The following RLF variants were observed in gnomAD, a reference collection of about 807,000 sequenced individuals.
RLF encodes RLF zinc finger.
A neutral mutation model predicts 162.9 loss-of-function variants in RLF; 7 were observed. That is an observed-to-expected ratio of 0.04 (90% confidence interval 0.02 to 0.08). The LOEUF is 0.08. Ranked by LOEUF, RLF falls within the 10% of genes least tolerant of loss-of-function variation. The probability of loss-of-function intolerance (pLI) is 1.00; values close to 1 mark genes in which losing one functional copy is unlikely to be tolerated. For synonymous variants in RLF, 782 were observed against 791.5 expected, an observed-to-expected ratio of 0.99 and a Z score of 0.20; for missense variants, 1,664 against 2,244.7, an observed-to-expected ratio of 0.74 and a Z score of 5.23.
chr1:40,198,060 A>G (rs12133597), intron 4 of RLF, among the ~76,000 whole-genome samples: 28,455 of 151,912 alleles, frequency 0.19, 2,810 homozygotes, highest in Non-Finnish European at 0.21. Flanking sequence ...CTGGAGTGCA[A>G]TGGTGTGATC....
At chr1:40,183,195 A>G (rs896333893) in intron 1 of RLF, among the ~76,000 whole-genome samples, 8 of 151,932 alleles carry the variant, frequency 5.3e-5, no homozygotes, top group African/African-American at 1.5e-4. Flanking sequence ...CTGGAAGTCT[A>G]CCTCTTGTAG....
At chr1:40,188,835 G>A (rs1331259335) in intron 1 of RLF, among the ~76,000 whole-genome samples, 1 of 152,118 alleles carries the variant, frequency 6.6e-6, no homozygotes, top group Non-Finnish European at 1.5e-5. Flanking sequence ...GAATTATTCT[G>A]ACATCAAAAG....
intron 4 of RLF, among the ~76,000 whole-genome samples, chr1:40,201,468 T>C (rs1368045317): frequency 6.6e-6 from 1 of 151,386 alleles, no homozygotes; most frequent in African/African-American, 2.4e-5. Flanking sequence ...CTACTAAAAA[T>C]ACAATAAATT....
chr1:40,206,524 G>T (rs575221397), intron 5 of RLF, among the ~76,000 whole-genome samples: 5 of 152,308 alleles, frequency 3.3e-5, no homozygotes, highest in African/African-American at 1.2e-4. Flanking sequence ...TGGTTTTACT[G>T]TTGGCCTCTA....
intron 1 of RLF, among the ~76,000 whole-genome samples, chr1:40,164,829 G>A (rs999697117): frequency 4.6e-5 from 7 of 152,040 alleles, no homozygotes; most frequent in African/African-American, 9.7e-5. Context: ...AGTAAACCAC[G>A]TTTATATGAG....
In RLF at chr1:40,181,817, T is replaced by G. The variant is rs1314263916; in HGVS notation, c.238-7238T>G. On this transcript the variant is annotated intron_variant, in intron 1 of 7. Transcript: ENST00000372771. ...TTGGAACAAATTTTCCGGAGCAGAA[T>G]TTGACACTGTGTAAAGCCTTAAAAA... Among the ~76,000 whole-genome samples, 3 of 152,170 alleles carry G rather than the reference T, an allele frequency of 2.0e-5. No homozygotes were observed. In the East Asian group the frequency reaches 5.8e-4, roughly 29 times the overall value.
intron 3 of RLF, among the ~76,000 whole-genome samples, chr1:40,195,143 G>GT (rs1401443408): frequency 4.0e-5 from 6 of 150,834 alleles, no homozygotes; most frequent in Middle Eastern, 6.3e-3. Flanking sequence ...CCCCATCCTA[G>GT]TTTTTTTCTA....
intron 1 of RLF, among the ~76,000 whole-genome samples, chr1:40,177,020 C>T (rs1313101041): frequency 6.6e-6 from 1 of 150,510 alleles, no homozygotes; most frequent in Admixed American, 6.6e-5. Flanking sequence ...CCGAGTCTCA[C>T]TTTGTCGTCC....
chr1:40,162,024 C>CT (rs1297952981), intron 1 of RLF, among the ~76,000 whole-genome samples: 3 of 151,738 alleles, frequency 2.0e-5, no homozygotes, highest in Non-Finnish European at 4.4e-5. Flanking sequence ...ACTGGTAAAC[C>CT]CGGGTTTTTC....
At chr1:40,182,119 T>C (rs1302327842) in intron 1 of RLF, among the ~76,000 whole-genome samples, 3 of 152,104 alleles carry the variant, frequency 2.0e-5, no homozygotes, top group Non-Finnish European at 4.4e-5. Context: ...TCTATTAAAA[T>C]GTTCGGTTTA....
intron 6 of RLF, among the ~76,000 whole-genome samples, chr1:40,230,593 C>G (rs533256175): frequency 8.2e-4 from 124 of 152,084 alleles, no homozygotes; most frequent in Non-Finnish European, 1.5e-3. Context: ...CCACCACACT[C>G]AGCTAAGTTT....
chr1:40,179,624 T>C (rs1488774145), intron 1 of RLF, among the ~76,000 whole-genome samples: 1 of 152,002 alleles, frequency 6.6e-6, no homozygotes, highest in African/African-American at 2.4e-5. Context: ...TTTTTGAGAG[T>C]ACAACTTAGT....
At chr1:40,168,972 A>G (rs1467853995) in intron 1 of RLF, among the ~76,000 whole-genome samples, 2 of 152,164 alleles carry the variant, frequency 1.3e-5, no homozygotes, top group Admixed American at 1.3e-4. Context: ...CATCCTGGGC[A>G]ACAAGAGCAA....
At chr1:40,185,796 C>G (rs1403578773) in intron 1 of RLF, among the ~76,000 whole-genome samples, 1 of 121,444 alleles carries the variant, frequency 8.2e-6, no homozygotes, top group East Asian at 2.5e-4. Context: ...CCACTGCACT[C>G]TAGCCTGGGC....
intron 1 of RLF, among the ~76,000 whole-genome samples, chr1:40,186,042 A>G (rs1016691577): frequency 6.6e-6 from 1 of 152,048 alleles, no homozygotes; most frequent in Non-Finnish European, 1.5e-5. Context: ...TTGTAATCCC[A>G]GCTACTCAGG....
At chr1:40,221,869 C>T (rs1187174037) in intron 5 of RLF, among the ~76,000 whole-genome samples, 2 of 131,638 alleles carry the variant, frequency 1.5e-5, no homozygotes, top group South Asian at 2.3e-4. Flanking sequence ...CACTGCACTC[C>T]GGCCTGGGCG....
chr1:40,221,830 T>G (rs1570555490), intron 5 of RLF, among the ~76,000 whole-genome samples: 8 of 142,842 alleles, frequency 5.6e-5, no homozygotes. Context: ...AACCCGGAAG[T>G]CGGAGGTTGC....
chr1:40,201,463 A>G (rs1213322748), intron 4 of RLF, among the ~76,000 whole-genome samples: 1 of 151,748 alleles, frequency 6.6e-6, no homozygotes, highest in Non-Finnish European at 1.5e-5. Context: ...CGTCTCTACT[A>G]AAAATACAAT....
At chr1:40,197,164 G>T (rs1413642080) in intron 4 of RLF, among the ~76,000 whole-genome samples, 2 of 152,112 alleles carry the variant, frequency 1.3e-5, no homozygotes, top group African/African-American at 4.8e-5. Flanking sequence ...GGGCATAAAG[G>T]CACTTAGATT....
Sources: allele counts gnomAD v4.1 joint callset (sites outside exome capture counted in the v4.1 genomes callset), GRCh38; gene constraint gnomAD v4.1.1; transcripts MANE v1.5; gene names NCBI Gene and HGNC (gene_info 2026-07-23, HGNC 2026-07-21).